The following RHOH variants were observed in gnomAD, a reference collection of about 807,000 sequenced individuals.
RHOH encodes rho-related GTP-binding protein RhoH.
RHOH carries 6 observed loss-of-function variants against 13.8 expected under a neutral mutation model. That is an observed-to-expected ratio of 0.44 (90% CI 0.24 to 0.86). The LOEUF (loss-of-function observed/expected upper bound fraction) is 0.86, where lower values mean the gene tolerates loss of function less well. RHOH is among the 40% of genes least tolerant of loss of function. The pLI is 0.24. For missense variants in RHOH, 147 were observed against 244.5 expected, an observed-to-expected ratio of 0.60 and a Z score of 2.66; for synonymous variants, 117 against 103.0, an observed-to-expected ratio of 1.14 and a Z score of -0.82.
intron 1 of RHOH, among the ~76,000 whole-genome samples, chr4:40,229,921 A>G (rs775683171): frequency 1.7e-4 from 26 of 148,858 alleles, no homozygotes; most frequent in Non-Finnish European, 3.1e-4. Context: ...CAATTGACAA[A>G]TTGATTGATA....
intron 1 of RHOH, among the ~76,000 whole-genome samples, chr4:40,232,228 G>GTT (rs11421467): frequency 8.6e-5 from 13 of 152,006 alleles, no homozygotes; most frequent in South Asian, 2.1e-4. Flanking sequence ...ATTGGTAACA[G>GTT]TTTTTTTATT....
upstream of RHOH, among the ~76,000 whole-genome samples, chr4:40,194,240 A>T (rs557891710): frequency 2.1e-4 from 28 of 133,706 alleles, no homozygotes; most frequent in South Asian, 1.9e-3. Flanking sequence ...TATTATTATT[A>T]TTTTTTAGGC....
intron 1 of RHOH, among the ~76,000 whole-genome samples, chr4:40,197,621 A>G (rs1420138179): frequency 6.6e-6 from 1 of 152,192 alleles, no homozygotes; most frequent in African/African-American, 2.4e-5. Context: ...AATACTACCC[A>G]AGGTTTGATG....
chr4:40,197,670 A>G (rs2109342306), intron 1 of RHOH, among the ~76,000 whole-genome samples: 1 of 152,320 alleles, frequency 6.6e-6, no homozygotes, highest in African/African-American at 2.4e-5. Flanking sequence ...GCAAATATGA[A>G]TTTTAAAGTT....
chr4:40,204,751 C>T (rs769077180), intron 1 of RHOH, among the ~76,000 whole-genome samples: 7 of 152,154 alleles, frequency 4.6e-5, no homozygotes, highest in Non-Finnish European at 1.0e-4. Context: ...GGTAAGATGG[C>T]GGATACAGGT....
intron 1 of RHOH, among the ~76,000 whole-genome samples, chr4:40,203,261 C>T (rs539478023): frequency 1.3e-5 from 2 of 152,300 alleles, no homozygotes; most frequent in East Asian, 3.9e-4. Flanking sequence ...CGTGAGCCAC[C>T]GCGCCCGGCC....
intron 1 of RHOH, among the ~76,000 whole-genome samples, chr4:40,221,271 A>G (rs1042084075): frequency 1.3e-5 from 2 of 152,190 alleles, no homozygotes; most frequent in Non-Finnish European, 2.9e-5. Context: ...ATCTTTCTAC[A>G]TAAATGGAAA....
chr4:40,193,360 G>A (rs1395638630), upstream of RHOH, among the ~76,000 whole-genome samples: 1 of 152,178 alleles, frequency 6.6e-6, no homozygotes, highest in Non-Finnish European at 1.5e-5. Context: ...GCGTCAGAAG[G>A]GACACGCCCT....
chr4:40,211,134 G>T (rs557042266), intron 1 of RHOH, among the ~76,000 whole-genome samples: 2 of 152,224 alleles, frequency 1.3e-5, no homozygotes, highest in African/African-American at 4.8e-5. Context: ...TTAAAAGTGG[G>T]AACTGTGTCT....
At chr4:40,210,193 G>T (rs928149492) in intron 1 of RHOH, among the ~76,000 whole-genome samples, 2 of 151,804 alleles carry the variant, frequency 1.3e-5, no homozygotes, top group Non-Finnish European at 2.9e-5. Flanking sequence ...TGCTTGTAAT[G>T]AACCCAGCTG....
upstream of RHOH, chr4:40,191,361 A>G (rs1419875811): frequency 6.6e-6 from 1 of 152,150 alleles, no homozygotes; most frequent in Admixed American, 6.5e-5. Flanking sequence ...GCCATATACT[A>G]TTTTGAGTCA....
chr4:40,238,973 T>G (rs1421681323), intron 1 of RHOH, among the ~76,000 whole-genome samples: 4 of 152,160 alleles, frequency 2.6e-5, no homozygotes, highest in African/African-American at 9.7e-5. Context: ...TGTGACCCAT[T>G]CTGAAGATTA....
Position 40,229,963 on chromosome 4 carries a change from A to G in RHOH, c.-330-12751A>G, listed in dbSNP as rs1560278228. The stretch of plus-strand genomic sequence containing the variant: ...GACCTGACAATACAGTTATCACCTA[A>G]CAAAATTAGCAATAGTTCTTAAATG... On this transcript the variant is annotated intron_variant, in intron 1 of 2. Coordinates refer to ENST00000381799, the MANE Select transcript of RHOH (RefSeq NM_004310.5). Among the ~76,000 whole-genome samples the G allele has an allele frequency of 3.9e-5, 6 of 152,190 alleles. No individual in the cohort carries two copies. In the South Asian group the frequency reaches 1.2e-3, roughly 31 times the overall value.
intron 1 of RHOH, among the ~76,000 whole-genome samples, chr4:40,203,134 G>A (rs1042854955): frequency 5.3e-5 from 8 of 152,096 alleles, no homozygotes; most frequent in African/African-American, 7.2e-5. Context: ...ACCAGGCCCC[G>A]CTAATTATTT....
At position 40,246,656 on chromosome 4, in the gene RHOH, T is replaced by C. The variant is rs1729785437; in HGVS notation, c.*2694T>C. 1.3e-5 allele frequency: 2 copies of C among 152,228 alleles called. No homozygotes were observed. The highest frequency in any genetic ancestry group is 4.1e-4 in the South Asian group (2 of 4,826). The allele number at this position is 152,228 out of a possible 1,614,324, so 9.4% of individuals were successfully genotyped here. A position where few individuals can be genotyped will look rare whatever the true frequency, so the allele number is the denominator to read the frequency against. On this transcript the variant is annotated 3_prime_UTR_variant, in exon 3 of 3. Transcript: ENST00000381799. ...CTCAGCACAGGGAAGGCAATGGAGGTAAAGTTGTGTTAAACTGAAATGGAG... is the reference window on the plus strand; with the variant it reads ...CTCAGCACAGGGAAGGCAATGGAGGCAAAGTTGTGTTAAACTGAAATGGAG...
chr4:40,208,039 G>A (rs962382952), intron 1 of RHOH, among the ~76,000 whole-genome samples: 5 of 151,704 alleles, frequency 3.3e-5, no homozygotes, highest in South Asian at 2.1e-4. Flanking sequence ...AATCACCAGC[G>A]TTTTCAGCCT....
In RHOH at chr4:40,215,930, CAAAT is replaced by C. The variant is rs1176402527; in HGVS notation, c.-331+18633_-331+18636del. Reference sequence around the variant, plus strand: ...GCGAGACTCTGTATCAAAAAACAAACAAATAAGTAAAATATATATATTGGGGTCC... The same window carrying C: ...GCGAGACTCTGTATCAAAAAACAAACAAGTAAAATATATATATTGGGGTCC... On this transcript the variant is annotated intron_variant, in intron 1 of 2. Transcript: ENST00000381799. Among the ~76,000 whole-genome samples, 6 of 151,492 alleles carry C rather than the reference CAAAT, an allele frequency of 4.0e-5. No homozygotes were observed. In the East Asian group the frequency reaches 7.8e-4, roughly 20 times the overall value.
intron 1 of RHOH, among the ~76,000 whole-genome samples, chr4:40,222,712 C>T (rs1726735153): frequency 6.6e-6 from 1 of 152,184 alleles, no homozygotes; most frequent in Non-Finnish European, 1.5e-5. Context: ...TATTCTGCAA[C>T]CCATGGATCA....
In RHOH at chr4:40,245,538, CAA is replaced by C. The variant is rs397967739; in HGVS notation, c.*1589_*1590del. On this transcript the variant is annotated 3_prime_UTR_variant, in exon 3 of 3. Transcript: ENST00000381799. ...TGGGCAACAGAGGGAGACTCCATCT[CAA>C]AAAAAAAAAAAAGAAAAGAAAAAAA... 21 of 96,674 alleles carry C rather than the reference CAA, an allele frequency of 2.2e-4. No homozygotes were observed. Among genetic ancestry groups the C allele is most frequent in the Non-Finnish European group, 2.1e-4 (10 of 46,816 alleles). 6.0% of individuals were successfully genotyped at this position (96,674 alleles called of 1,614,324 possible). A position where few individuals can be genotyped will look rare whatever the true frequency, so the allele number is the denominator to read the frequency against.
Sources: allele counts gnomAD v4.1 joint callset (sites outside exome capture counted in the v4.1 genomes callset), GRCh38; gene constraint gnomAD v4.1.1; transcripts MANE v1.5; gene names NCBI Gene and HGNC (gene_info 2026-07-23, HGNC 2026-07-21).